ALDH1L1: variants seen among roughly 807,000 people sequenced by gnomAD.
ALDH1L1 encodes aldehyde dehydrogenase 1 family member L1.
A neutral mutation model predicts 101.1 loss-of-function variants in ALDH1L1; 68 were observed. The observed-to-expected ratio is 0.67, with a 90% CI of 0.55 to 0.82. ALDH1L1 has a LOEUF of 0.82. ALDH1L1 is among the 40% of genes least tolerant of loss of function. The probability of loss-of-function intolerance (pLI) is 0.00; values close to 1 mark genes in which losing one functional copy is unlikely to be tolerated. For synonymous variants in ALDH1L1, 486 were observed against 470.8 expected (o/e 1.03, Z -0.42); for missense variants, 1,087 against 1,172.7 (o/e 0.93, Z 1.07).
chr3:126,134,167 C>T (rs1001065778), intron 12 of ALDH1L1, among the ~76,000 whole-genome samples: 1 of 152,214 alleles, frequency 6.6e-6, no homozygotes, highest in Admixed American at 6.5e-5. Flanking sequence ...TAGACCCAGC[C>T]TCTGCTGTGC....
At position 126,154,600 on chromosome 3, in the gene ALDH1L1, C is replaced by T. The variant is rs758365307; in HGVS notation, c.674G>A (p.Arg225His). Residue 225 changes from arginine to histidine, a missense_variant, in exon 6 of 23, where the codon CGC (arginine) becomes CAC (histidine). Arg to His is a conservative substitution (Grantham distance 29). Around this residue, in one of 2 missense-constraint regions of ALDH1L1, gnomAD observed 645 missense variants for 637.0 expected, o/e 1.01. Coordinates refer to ENST00000393434, the MANE Select transcript of ALDH1L1 (RefSeq NM_012190.4). ...GGCTCCCGGCACCTTGTCGTTCCCG[C>T]GGATCCAGTTGTGAATGGCCTCTGC... is the stretch of plus-strand genomic sequence containing the variant. ...QPAEAIHNWI[R>H]GNDKVPGAWT... is the part of the protein sequence containing the mutation. 2.6e-5 allele frequency: 42 copies of T among 1,614,066 alleles called. No homozygotes were observed. The highest frequency in any genetic ancestry group is 8.0e-5 in the African/African-American group (6 of 74,938).
intron 18 of ALDH1L1, 46 bp from the exon 19 acceptor site, chr3:126,112,926 C>T (rs370522438): frequency 2.0e-5 from 32 of 1,579,066 alleles, no homozygotes; most frequent in Middle Eastern, 1.7e-4. Context: ...CCTCCTGGGA[C>T]ACCAGCCCCC....
At chr3:126,148,430 G>A (rs1481806332) in intron 8 of ALDH1L1, among the ~76,000 whole-genome samples, 1 of 152,198 alleles carries the variant, frequency 6.6e-6, no homozygotes, top group Non-Finnish European at 1.5e-5. Context: ...CACAGGCCAG[G>A]CCCCTCCACC....
At chr3:126,186,487 C>T (rs1463132678), upstream of ALDH1L1, among the ~76,000 whole-genome samples, 2 of 151,748 alleles carry the variant, frequency 1.3e-5, no homozygotes, top group Admixed American at 6.6e-5. Context: ...CTGACCCTGA[C>T]CCTGAACCTG....
chr3:126,176,625 T>G (rs1274190525), intron 1 of ALDH1L1, among the ~76,000 whole-genome samples: 1 of 152,196 alleles, frequency 6.6e-6, no homozygotes, highest in Non-Finnish European at 1.5e-5. Context: ...TACACTGATG[T>G]TTACAGCATC....
chr3:126,126,514 C>T (rs1387699998), intron 14 of ALDH1L1, among the ~76,000 whole-genome samples: 1 of 152,132 alleles, frequency 6.6e-6, no homozygotes, highest in Admixed American at 6.5e-5. Context: ...CAGACACAGG[C>T]GGTGGGCAGG....
At chr3:126,153,230 T>A in intron 7 of ALDH1L1, 3 of 692,406 alleles carry the variant, frequency 4.3e-6, no homozygotes, top group Non-Finnish European at 7.3e-6. Flanking sequence ...GGAGCCCAGC[T>A]TTCCCAGAAC....
chr3:126,124,160 C>A (rs2080133149), intron 16 of ALDH1L1, among the ~76,000 whole-genome samples: 1 of 151,812 alleles, frequency 6.6e-6, no homozygotes, highest in African/African-American at 2.4e-5. Context: ...GGAATACATT[C>A]AGCTGGGGCA....
At chr3:126,109,860 T>G (rs1047276955) in intron 20 of ALDH1L1, 84 bp downstream of exon 20, 3 of 1,561,952 alleles carry the variant, frequency 1.9e-6, no homozygotes, top group Non-Finnish European at 2.6e-6. Context: ...TTCAGATGTC[T>G]CCAGTTCAGC....
chr3:126,144,041 C>CA lies in ALDH1L1; in HGVS notation c.1076+2793dup, dbSNP rs553165390. Among the ~76,000 whole-genome samples the CA allele has an allele frequency of 1.5e-3, 227 of 151,964 alleles. 2 individuals carry two copies. Among genetic ancestry groups the CA allele is most frequent in the African/African-American group, 5.3e-3 (220 of 41,464 alleles). ...AATTGCAGGATACAAAAATAACATG[C>CA]AAAAAAACAGTTGCAACTCCATAAA... On this transcript the variant is annotated intron_variant, in intron 9 of 22. Coordinates refer to ENST00000393434, the MANE Select transcript of ALDH1L1 (RefSeq NM_012190.4).
intron 1 of ALDH1L1, among the ~76,000 whole-genome samples, chr3:126,167,300 G>A (rs952320064): frequency 2.0e-5 from 3 of 152,168 alleles, no homozygotes; most frequent in Non-Finnish European, 4.4e-5. Context: ...TCTTGGGGTT[G>A]TAAGGTAGTC....
chr3:126,109,970 C>A lies in ALDH1L1; in HGVS notation c.2321G>T (p.Cys774Phe). 6.2e-7 allele frequency: 1 copy of A among 1,614,144 alleles called. No homozygotes were observed. The highest frequency in any genetic ancestry group is 2.2e-5 in the East Asian group (1 of 44,884). ...TGGCCGAGGGACCTGATTCCCGCCG[C>A]AGACCAGTGTGGCCCCTTCCTTCAC... ...HGVKEGATLV[C>F]GGNQVPRPGF... Residue 774 changes from cysteine to phenylalanine, a missense_variant, in exon 20 of 23, where the codon TGC (cysteine) becomes TTC (phenylalanine). By Grantham distance (205) the Cys-to-Phe change is radical. Coordinates refer to ENST00000393434, the MANE Select transcript of ALDH1L1 (RefSeq NM_012190.4).
intron 22 of ALDH1L1, 129 bp from the exon 23 acceptor site, chr3:126,103,975 C>T (rs1945769452): frequency 7.4e-6 from 7 of 951,476 alleles, no homozygotes; most frequent in South Asian, 1.5e-5. Flanking sequence ...GGTGAGAAGT[C>T]GAGGCCCAGC....
chr3:126,155,347 A>G (rs2080883389), intron 5 of ALDH1L1, 55 bp downstream of exon 5: 3 of 1,530,456 alleles, frequency 2.0e-6, no homozygotes, highest in African/African-American at 1.4e-5. Context: ...GCTGCCCTCT[A>G]CAACCCCAGT....
chr3:126,168,590 G>A (rs1355364263), intron 1 of ALDH1L1, among the ~76,000 whole-genome samples: 1 of 151,868 alleles, frequency 6.6e-6, no homozygotes, highest in Non-Finnish European at 1.5e-5. Context: ...TCATAATATC[G>A]AGGGTTTTAA....
chr3:126,114,748 G>A, intron 17 of ALDH1L1, 92 bp from the exon 18 acceptor site: 1 of 1,224,168 alleles, frequency 8.2e-7, no homozygotes. Flanking sequence ...TAGGCCCAAA[G>A]CATGCTTTGC....
rs1349167084 is a variant in ALDH1L1 at position 126,105,827 on chromosome 3, T to A, written c.2552A>T (p.Asp851Val). 6.2e-7 allele frequency: 1 copy of A among 1,614,194 alleles called. No homozygotes were observed. The highest frequency in any genetic ancestry group is 1.7e-5 in the Admixed American group (1 of 60,028). The change falls in exon 22 of 23, where the codon GAC (aspartate) becomes GTC (valine). Residue 851 changes from aspartate to valine, a missense_variant. Asp to Val is a radical substitution (Grantham distance 152, BLOSUM62 -3). Around this residue, in one of 2 missense-constraint regions of ALDH1L1, gnomAD observed 442 missense variants for 535.7 expected, o/e 0.83. Coordinates refer to ENST00000393434, the MANE Select transcript of ALDH1L1 (RefSeq NM_012190.4). ...RDINKALYVS[D>V]KLQAGTVFVN... ...AAACACAGTGCCTGCCTGGAGCTTG[T>A]CACTGACATACAGGGCCTTGTTGAT...
chr3:126,116,448 A>G (rs1452274435), intron 17 of ALDH1L1, among the ~76,000 whole-genome samples: 1 of 152,136 alleles, frequency 6.6e-6, no homozygotes, highest in Non-Finnish European at 1.5e-5. Context: ...ATGGTGAGGC[A>G]GATCAACATA....
rs542108946 is a variant in ALDH1L1 at position 126,107,366 on chromosome 3, G to A, written c.2348-120C>T. ...GCGGATGACCCGACATAAGCACCGG[G>A]TCACGGCACCCGTGTGATGGGTGTC... On this transcript the variant is annotated intron_variant, in intron 20 of 22. Coordinates refer to ENST00000393434, the MANE Select transcript of ALDH1L1 (RefSeq NM_012190.4). 388 of 783,568 alleles carry A rather than the reference G, an allele frequency of 5.0e-4. 2 individuals carry two copies. The African/African-American group carries it at 6.0e-3, about 12-fold the overall frequency. The allele number at this position is 783,568 out of a possible 1,614,324, so 48.5% of individuals were successfully genotyped here. A position where few individuals can be genotyped will look rare whatever the true frequency, so the allele number is the denominator to read the frequency against.
Sources: allele counts gnomAD v4.1 joint callset (sites outside exome capture counted in the v4.1 genomes callset), GRCh38; gene constraint gnomAD v4.1.1; regional missense constraint gnomAD v4.1.1; transcripts MANE v1.5; gene names NCBI Gene and HGNC (gene_info 2026-07-23, HGNC 2026-07-21).